KCNJ3: variants seen among roughly 807,000 people sequenced by gnomAD.
KCNJ3 encodes the protein potassium inwardly rectifying channel subfamily J member 3.
Under a neutral mutation model 39.2 loss-of-function variants are expected in KCNJ3, and 4 were observed. The ratio of observed to expected loss-of-function variants is 0.10; its 90% confidence interval spans 0.05 to 0.23. KCNJ3 has a LOEUF of 0.23. Ranked by LOEUF, KCNJ3 falls within the 10% of genes least tolerant of loss-of-function variation. The probability of loss-of-function intolerance (pLI) is 1.00; values close to 1 mark genes in which losing one functional copy is unlikely to be tolerated. For missense variants in KCNJ3, 276 were observed against 634.9 expected, an observed-to-expected ratio of 0.43 and a Z score of 6.08; for synonymous variants, 230 against 237.4, an observed-to-expected ratio of 0.97 and a Z score of 0.29.
chr2:154,709,551 A>G, intron 1 of KCNJ3, 52 bp from the exon 2 acceptor site: 4 of 1,572,466 alleles, frequency 2.5e-6, no homozygotes, highest in Non-Finnish European at 3.5e-6. Flanking sequence ...GGCTGCCTTG[A>G]AATTTTCAGT....
rs1455518436 is a variant in KCNJ3, at chr2:154,854,712, T to G, written c.920-15T>G. 6.3e-7 allele frequency: 1 copy of G among 1,579,956 alleles called. No homozygotes were observed. Among genetic ancestry groups the G allele is most frequent in the Non-Finnish European group, 8.6e-7 (1 of 1,156,834 alleles). Reference sequence around the variant, plus strand: ...ACTATGCATAATTTATCAAGAATTTTCTCTTTTCTTGTAGGGATGACTTGT... The same window carrying G: ...ACTATGCATAATTTATCAAGAATTTGCTCTTTTCTTGTAGGGATGACTTGT... On this transcript the variant is annotated splice_polypyrimidine_tract_variant and intron_variant, in intron 2 of 2. Coordinates refer to ENST00000295101, the MANE Select transcript of KCNJ3 (RefSeq NM_002239.4).
intron 2 of KCNJ3, among the ~76,000 whole-genome samples, chr2:154,756,028 T>C (rs1044276068): frequency 6.6e-6 from 1 of 152,182 alleles, no homozygotes; most frequent in Admixed American, 6.5e-5. Context: ...GGGCAGACCT[T>C]TTTTACTTTC....
intron 2 of KCNJ3, among the ~76,000 whole-genome samples, chr2:154,775,599 A>T (rs895950893): frequency 2.0e-5 from 3 of 152,230 alleles, no homozygotes; most frequent in East Asian, 1.9e-4. Flanking sequence ...AAACATAAAA[A>T]AATCAAATAA....
intron 2 of KCNJ3, among the ~76,000 whole-genome samples, chr2:154,773,587 A>G (rs1686280928): frequency 6.6e-6 from 1 of 152,154 alleles, no homozygotes; most frequent in Non-Finnish European, 1.5e-5. Context: ...CGATTAAGCC[A>G]GTGTCATGTG....
intron 2 of KCNJ3, among the ~76,000 whole-genome samples, chr2:154,817,781 C>T (rs1224517405): frequency 6.6e-6 from 1 of 152,116 alleles, no homozygotes; most frequent in Admixed American, 6.5e-5. Context: ...CCTTCCCATT[C>T]ATCCCCTTTA....
intron 2 of KCNJ3, among the ~76,000 whole-genome samples, chr2:154,751,077 A>G (rs1211353805): frequency 6.6e-6 from 1 of 151,964 alleles, no homozygotes; most frequent in Non-Finnish European, 1.5e-5. Context: ...GTGCACCAAA[A>G]TCTCACAAAT....
At chr2:154,798,020 C>T (rs1686750252) in intron 2 of KCNJ3, among the ~76,000 whole-genome samples, 1 of 152,014 alleles carries the variant, frequency 6.6e-6, no homozygotes, top group Non-Finnish European at 1.5e-5. Context: ...CTCTGGCAAC[C>T]ACCGTCAGCA....
chr2:154,796,163 G>A (rs902006341), intron 2 of KCNJ3, among the ~76,000 whole-genome samples: 6 of 152,096 alleles, frequency 3.9e-5, no homozygotes, highest in Non-Finnish European at 5.9e-5. Context: ...GAGGTTATCT[G>A]AGGAATTAAA....
At chr2:154,811,547 C>T (rs1478002322) in intron 2 of KCNJ3, among the ~76,000 whole-genome samples, 1 of 152,176 alleles carries the variant, frequency 6.6e-6, no homozygotes, top group Non-Finnish European at 1.5e-5. Context: ...CCACCTTGGC[C>T]TCCCAAAGTG....
chr2:154,768,411 C>T (rs1006839441), intron 2 of KCNJ3, among the ~76,000 whole-genome samples: 2 of 152,190 alleles, frequency 1.3e-5, no homozygotes, highest in Non-Finnish European at 2.9e-5. Context: ...ATATGGCTAG[C>T]CAGTTTTCCC....
intron 2 of KCNJ3, among the ~76,000 whole-genome samples, chr2:154,814,394 T>C (rs1687047928): frequency 6.6e-6 from 1 of 152,086 alleles, no homozygotes. Flanking sequence ...TCCTAACACT[T>C]TGGGAGGCTG....
At chr2:154,815,972 AG>A (rs1687077546) in intron 2 of KCNJ3, among the ~76,000 whole-genome samples, 1 of 152,152 alleles carries the variant, frequency 6.6e-6, no homozygotes, top group African/African-American at 2.4e-5. Context: ...ATAGTGTTTT[AG>A]TATTTTTCAG....
chr2:154,792,362 C>T (rs779344911), intron 2 of KCNJ3, among the ~76,000 whole-genome samples: 1 of 152,094 alleles, frequency 6.6e-6, no homozygotes, highest in African/African-American at 2.4e-5. Flanking sequence ...CAATCTCTAC[C>T]TAGCCCTTTG....
At chr2:154,787,230 A>G (rs1190266665) in intron 2 of KCNJ3, among the ~76,000 whole-genome samples, 2 of 152,196 alleles carry the variant, frequency 1.3e-5, no homozygotes, top group Non-Finnish European at 2.9e-5. Flanking sequence ...TATTATTGAC[A>G]TAACTTTGTC....
intron 2 of KCNJ3, among the ~76,000 whole-genome samples, chr2:154,732,579 T>C (rs1685465015): frequency 6.6e-6 from 1 of 152,126 alleles, no homozygotes; most frequent in South Asian, 2.1e-4. Flanking sequence ...CATCAGGTTC[T>C]GCTGATAGGT....
intron 2 of KCNJ3, among the ~76,000 whole-genome samples, chr2:154,727,698 G>A (rs369313187): frequency 2.7e-5 from 4 of 150,816 alleles, no homozygotes; most frequent in Admixed American, 6.6e-5. Context: ...GATTTCTCAC[G>A]TTAAAAAAAT....
intron 2 of KCNJ3, among the ~76,000 whole-genome samples, chr2:154,812,851 A>G (rs896723531): frequency 1.3e-5 from 2 of 152,162 alleles, no homozygotes; most frequent in African/African-American, 4.8e-5. Context: ...ATAAAGCCGG[A>G]AAAAGGGCAG....
chr2:154,751,239 G>C (rs982299621), intron 2 of KCNJ3, among the ~76,000 whole-genome samples: 2 of 151,552 alleles, frequency 1.3e-5, no homozygotes, highest in African/African-American at 4.8e-5. Flanking sequence ...TTGACTTTTG[G>C]CCTATGTTTT....
chr2:154,805,522 TAC>T (rs746930370), intron 2 of KCNJ3, among the ~76,000 whole-genome samples: 21 of 152,300 alleles, frequency 1.4e-4, no homozygotes, highest in Non-Finnish European at 2.2e-4. Context: ...TCATATGAAT[TAC>T]AGTTTGGAGC....
Sources: allele counts gnomAD v4.1 joint callset (sites outside exome capture counted in the v4.1 genomes callset), GRCh38; gene constraint gnomAD v4.1.1; transcripts MANE v1.5; gene names NCBI Gene and HGNC (gene_info 2026-07-23, HGNC 2026-07-21).